Variants in SEMA3G observed in about 807,000 individuals in gnomAD.
SEMA3G encodes semaphorin-3G.
SEMA3G carries 70 observed loss-of-function variants against 86.2 expected under a neutral mutation model. The observed-to-expected ratio is 0.81, with a 90% CI of 0.67 to 0.99. SEMA3G has a LOEUF of 0.99. Ranked by LOEUF, SEMA3G falls within the 50% of genes least tolerant of loss-of-function variation. The pLI, the probability that SEMA3G is intolerant of heterozygous loss-of-function variation, is 0.00. For synonymous variants in SEMA3G, 416 were observed against 441.4 expected, an observed-to-expected ratio of 0.94 and a Z score of 0.72; for missense variants, 1,002 against 1,072.4, an observed-to-expected ratio of 0.93 and a Z score of 0.92.
At position 52,442,011 on chromosome 3, in the gene SEMA3G, T is replaced by C; in HGVS notation, c.460-102A>G. On this transcript the variant is annotated intron_variant, in intron 4 of 15. Transcript: ENST00000231721. This position sits in a 1 kb window ranked among gnomAD's most constrained non-coding sequence, Gnocchi z 6.1. ...CTCGCGTGCGGCCAGAGAGCGGGGG[T>C]GGGCGGAAGGCGTCCTCATCCAGGG... 7.6e-7 allele frequency: 1 copy of C among 1,311,414 alleles called. No homozygotes were observed. Among genetic ancestry groups the C allele is most frequent in the South Asian group, 1.4e-5 (1 of 73,878 alleles). 81.2% of individuals were successfully genotyped at this position (1,311,414 alleles called of 1,614,324 possible). A position where few individuals can be genotyped will look rare whatever the true frequency, so the allele number is the denominator to read the frequency against.
At chr3:52,440,542 G>A in intron 9 of SEMA3G, 21 bp from the exon 10 acceptor site, 1 of 1,601,002 alleles carries the variant, frequency 6.2e-7, no homozygotes, top group East Asian at 2.2e-5. Context: ...ACATGGGACA[G>A]TCAGGCCAGA....
chr3:52,435,614 CCA>C lies in SEMA3G; in HGVS notation c.2336_2337del (p.Val779GlyfsTer20). ...HAEHNRTPRE[V>X]EAT ...TCCTCTGCCCCCTTCTACGTGGCCT[CCA>C]CCTCCCGGGGCGTCCGATTGTGCTC... On this transcript the variant is annotated frameshift_variant, in exon 16 of 16. Coordinates refer to ENST00000231721, the MANE Select transcript of SEMA3G (RefSeq NM_020163.3). LOFTEE classifies it high-confidence loss of function. The C allele has an allele frequency of 6.2e-7, 1 of 1,611,186 alleles. No individual in the cohort carries two copies. The highest frequency in any genetic ancestry group is 8.5e-7 in the Non-Finnish European group (1 of 1,178,042).
chr3:52,442,547 G>C lies in SEMA3G; in HGVS notation c.339+12C>G, dbSNP rs376793479. The C allele has an allele frequency of 6.2e-6, 10 of 1,613,936 alleles. No homozygotes were observed. The highest frequency in any genetic ancestry group is 8.5e-6 in the Non-Finnish European group (10 of 1,179,854). ...GTCAGGTCGGGGGACCATCCCTCCC[G>C]ACAGCACTCACCAAAGGATCTCTTC... On this transcript the variant is annotated intron_variant, in intron 3 of 15. Transcript: ENST00000231721. This position sits in a 1 kb window ranked among gnomAD's most constrained non-coding sequence, Gnocchi z 6.1.
chr3:52,442,853 T>C lies in SEMA3G; in HGVS notation c.170A>G (p.Asn57Ser). The change falls in exon 2 of 16, where the codon AAC becomes AGC. Residue 57 changes from asparagine to serine, a missense_variant. Coordinates refer to ENST00000231721, the MANE Select transcript of SEMA3G (RefSeq NM_020163.3). The surrounding 1 kb of genome is among the most constrained non-coding windows in gnomAD (Gnocchi z 6.1). ...AIFLGPQGSL[N>S]LQAMYLDEYR... ...CTCATCTAGGTACATGGCCTGGAGG[T>C]TCAGGGAGCCCTGGGGGCCCAGAAA... is the stretch of plus-strand genomic sequence containing the variant. 6.2e-7 allele frequency: 1 copy of C among 1,609,206 alleles called. No individual in the cohort carries two copies. The highest frequency in any genetic ancestry group is 8.5e-7 in the Non-Finnish European group (1 of 1,178,146).
rs903692237 is a variant in SEMA3G, at chr3:52,433,736, G to A, written c.*1867C>T. On this transcript the variant is annotated 3_prime_UTR_variant, in exon 16 of 16. Transcript: ENST00000231721. ...GTTTGTGTCTTTCTGGCCTCCCTAG[G>A]GTAGAGGGCAGAGCTGGCTGCAGCT... 1.3e-5 allele frequency: 2 copies of A among 152,592 alleles called. No individual in the cohort carries two copies. The highest frequency in any genetic ancestry group is 4.8e-5 in the African/African-American group (2 of 41,410). 9.5% of individuals were successfully genotyped at this position (152,592 alleles called of 1,614,324 possible).
At position 52,440,998 on chromosome 3, in the gene SEMA3G, G is replaced by C; in HGVS notation, c.864C>G (p.Leu288=). Reference sequence around the variant, plus strand: ...GCACCGAGCAGACCAGCCTGGCCTTGAGGAAAGTGCTCCATTTGTTCACCA... The same window carrying C: ...GCACCGAGCAGACCAGCCTGGCCTTCAGGAAAGTGCTCCATTTGTTCACCA... ...RVLVNKWSTF[L]KARLVCSVPG... Residue 288 remains leucine, a synonymous_variant, in exon 8 of 16, where the codon CTC becomes CTG. Transcript: ENST00000231721. 1 of 1,605,532 alleles carries C rather than the reference G, an allele frequency of 6.2e-7. No individual in the cohort carries two copies. The highest frequency in any genetic ancestry group is 1.3e-5 in the African/African-American group (1 of 75,058).
At position 52,444,912 on chromosome 3, in the gene SEMA3G, C is replaced by A; in HGVS notation, c.115+1G>T. On this transcript the variant is annotated splice_donor_variant, in intron 1 of 15. Coordinates refer to ENST00000231721, the MANE Select transcript of SEMA3G (RefSeq NM_020163.3). LOFTEE classifies it high-confidence loss of function. ...CAAACAGGGCACGCAGGGGCTGGTA[C>A]CTCGGTAGGAGAGCCGCAGGCGGGG... 1 of 1,303,182 alleles carries A rather than the reference C, an allele frequency of 7.7e-7. No homozygotes were observed. The highest frequency in any genetic ancestry group is 9.8e-7 in the Non-Finnish European group (1 of 1,020,486). The allele number at this position is 1,303,182 out of a possible 1,614,324, so 80.7% of individuals were successfully genotyped here.
intron 13 of SEMA3G, 55 bp downstream of exon 13, chr3:52,438,865 G>T: frequency 6.2e-7 from 1 of 1,606,104 alleles, no homozygotes; most frequent in South Asian, 1.1e-5. Context: ...AGAGGAGGAG[G>T]CTGCGGAGCA....
Position 52,440,377 on chromosome 3 carries a change from C to T in SEMA3G, c.1143G>A (p.Val381=), listed in dbSNP as rs777045989. The T allele has an allele frequency of 1.9e-6, 3 of 1,599,158 alleles. No individual in the cohort carries two copies. The highest frequency in any genetic ancestry group is 2.2e-5 in the South Asian group (2 of 89,266). ...TGGCCTGGCCCCAGCAGATACTCAC[C>T]ACGCCAGGGCGAGGGAAGGGCACCT... ...GGKVPFPRPG[V]CPSKMTAQPG... The change falls in exon 10 of 16, where the codon GTG becomes GTA. Residue 381 remains valine, a splice_region_variant and synonymous_variant. Transcript: ENST00000231721.
Position 52,441,675 on chromosome 3 carries a change from G to C in SEMA3G, c.566C>G (p.Thr189Arg), listed in dbSNP as rs371229745. The part of the protein sequence containing the change: ...ASTFIDGELY[T>R]GLTADFLGRE... ...CCCCAGGAAGTCAGCAGTGAGACCC[G>C]TGTACAGCTCCCCGTCTGGGGTGGG... The change falls in exon 6 of 16, where the codon ACG becomes AGG. Residue 189 changes from threonine to arginine, a missense_variant. Coordinates refer to ENST00000231721, the MANE Select transcript of SEMA3G (RefSeq NM_020163.3). 47 of 1,613,432 alleles carry C rather than the reference G, an allele frequency of 2.9e-5. No homozygotes were observed. Among genetic ancestry groups the C allele is most frequent in the Non-Finnish European group, 4.0e-5 (47 of 1,179,752 alleles).
intron 12 of SEMA3G, 80 bp downstream of exon 12, chr3:52,439,600 G>T: frequency 8.5e-7 from 1 of 1,178,994 alleles, no homozygotes; most frequent in Non-Finnish European, 1.3e-6. Context: ...TCCCTACTGG[G>T]CTTGCTCCTG....
At chr3:52,437,456 G>T in intron 15 of SEMA3G, 71 bp downstream of exon 15, 1 of 1,473,412 alleles carries the variant, frequency 6.8e-7, no homozygotes, top group Non-Finnish European at 9.2e-7. Flanking sequence ...CTGGGGCTCA[G>T]GTCTTGGGGT....
chr3:52,438,080 A>C lies in SEMA3G; in HGVS notation c.1629T>G (p.Asp543Glu), dbSNP rs766331716. 5 of 1,613,128 alleles carry C rather than the reference A, an allele frequency of 3.1e-6. No homozygotes were observed. Among genetic ancestry groups the C allele is most frequent in the South Asian group, 1.1e-5 (1 of 91,096 alleles). Residue 543 changes from aspartate (D) to glutamate (E), a missense_variant, in exon 14 of 16, where the codon GAT becomes GAG. Coordinates refer to ENST00000231721, the MANE Select transcript of SEMA3G (RefSeq NM_020163.3). ...GGCGGTAGTGGGTACAGGAGGCACC[A>C]TCCCAGGCACAGTATGGGTCCCGGG... is the stretch of plus-strand genomic sequence containing the variant. ...CLARDPYCAW[D>E]GASCTHYRPS...
In SEMA3G at chr3:52,442,637, G is replaced by A. The variant is rs752501313; in HGVS notation, c.277-16C>T. 20 of 1,613,986 alleles carry A rather than the reference G, an allele frequency of 1.2e-5. No homozygotes were observed. The highest frequency in any genetic ancestry group is 6.7e-5 in the Admixed American group (4 of 60,008). ...GCCACAGGACCTGGAACACAGCCCC[G>A]CTGACCTCAGGTCCTCCCCTGATCT... On this transcript the variant is annotated splice_polypyrimidine_tract_variant and intron_variant, in intron 2 of 15. Coordinates refer to ENST00000231721, the MANE Select transcript of SEMA3G (RefSeq NM_020163.3). The surrounding 1 kb of genome is among the most constrained non-coding windows in gnomAD (Gnocchi z 6.1).
chr3:52,444,845 CA>C, intron 1 of SEMA3G, 67 bp downstream of exon 1: 5 of 1,195,760 alleles, frequency 4.2e-6, no homozygotes, highest in Non-Finnish European at 3.2e-6. Flanking sequence ...ACGGCACATG[CA>C]CCCAAACAGA....
Position 52,442,621 on chromosome 3 carries a change from C to T in SEMA3G, c.277G>A (p.Val93Ile). Residue 93 changes from valine to isoleucine, a missense_variant and splice_region_variant, in exon 3 of 16, where the codon GTC (valine) becomes ATC (isoleucine). By Grantham distance (29) the Val-to-Ile change is conservative (BLOSUM62 3). Transcript: ENST00000231721. This position sits in a 1 kb window ranked among gnomAD's most constrained non-coding sequence, Gnocchi z 6.1. ...TGTCCTGGCTGCGGTGGCCACAGGA[C>T]CTGGAACACAGCCCCGCTGACCTCA... is the stretch of plus-strand genomic sequence containing the variant. The part of the protein sequence containing the change: ...LDQAWPDPRE[V>I]LWPPQPGQRE... 6.2e-7 allele frequency: 1 copy of T among 1,614,106 alleles called. No homozygotes were observed. The highest frequency in any genetic ancestry group is 8.5e-7 in the Non-Finnish European group (1 of 1,179,990).
chr3:52,442,592 C>T lies in SEMA3G; in HGVS notation c.306G>A (p.Arg102=), dbSNP rs1350769358. 2.5e-6 allele frequency: 4 copies of T among 1,614,152 alleles called. No individual in the cohort carries two copies. The highest frequency in any genetic ancestry group is 3.4e-6 in the Non-Finnish European group (4 of 1,180,006). Residue 102 remains arginine (R), a synonymous_variant, in exon 3 of 16, where the codon AGG becomes AGA. Coordinates refer to ENST00000231721, the MANE Select transcript of SEMA3G (RefSeq NM_020163.3). This position sits in a 1 kb window ranked among gnomAD's most constrained non-coding sequence, Gnocchi z 6.1. The part of the protein sequence containing the change: ...EVLWPPQPGQ[R]EECVRKGRDP... Reference sequence around the variant, plus strand: ...CTCTTCCCTTTCGAACACACTCCTCCCTCTGTCCTGGCTGCGGTGGCCACA... The same window carrying T: ...CTCTTCCCTTTCGAACACACTCCTCTCTCTGTCCTGGCTGCGGTGGCCACA...
chr3:52,433,291 A>G lies in SEMA3G; in HGVS notation c.*2312T>C, dbSNP rs778139690. On this transcript the variant is annotated 3_prime_UTR_variant, in exon 16 of 16. Transcript: ENST00000231721. ...TTCATTTTCAGCTCATGTGCGCAGC[A>G]TCAGTCCATTTAGTACAATACACAG... 6.6e-6 allele frequency: 1 copy of G among 152,302 alleles called. No individual in the cohort carries two copies. Among genetic ancestry groups the G allele is most frequent in the Admixed American group, 6.5e-5 (1 of 15,282 alleles). 9.4% of individuals were successfully genotyped at this position (152,302 alleles called of 1,614,324 possible). A position where few individuals can be genotyped will look rare whatever the true frequency, so the allele number is the denominator to read the frequency against.
chr3:52,435,585 C>T lies in SEMA3G; in HGVS notation c.*18G>A, dbSNP rs1370809993. Reference sequence around the variant, plus strand: ...TGGGCCCCCCAGCCCATCCTGACCACCCCTCCTCTGCCCCCTTCTACGTGG... The same window carrying T: ...TGGGCCCCCCAGCCCATCCTGACCATCCCTCCTCTGCCCCCTTCTACGTGG... On this transcript the variant is annotated 3_prime_UTR_variant, in exon 16 of 16. Transcript: ENST00000231721. The T allele has an allele frequency of 1.1e-5, 17 of 1,596,316 alleles. No individual in the cohort carries two copies. The highest frequency in any genetic ancestry group is 1.5e-5 in the Non-Finnish European group (17 of 1,169,772).
Sources: allele counts gnomAD v4.1 joint callset, GRCh38; gene constraint gnomAD v4.1.1; non-coding constraint Gnocchi (gnomAD v3.1); transcripts MANE v1.5; gene names NCBI Gene and HGNC (gene_info 2026-07-23, HGNC 2026-07-21).